The following PLCB4 variants were observed in gnomAD, a reference collection of about 807,000 sequenced individuals.
The protein encoded by PLCB4 is phospholipase C beta 4.
PLCB4 carries 77 observed loss-of-function variants against 178.8 expected under a neutral mutation model. That is an observed-to-expected ratio of 0.43 (90% CI 0.36 to 0.52). The LOEUF is 0.52. PLCB4 is among the 20% of genes least tolerant of loss of function. PLCB4 has a pLI of 0.00. For missense variants in PLCB4, 1,024 were observed against 1,453.4 expected (o/e 0.70, Z 4.80); for synonymous variants, 496 against 490.8 (o/e 1.01, Z -0.14).
chr20:9,303,818 A>G (rs1029541259), intron 3 of PLCB4, among the ~76,000 whole-genome samples: 10 of 152,304 alleles, frequency 6.6e-5, no homozygotes, highest in African/African-American at 2.2e-4. Flanking sequence ...AGCCAAATGT[A>G]TTTTAACTTT....
intron 7 of PLCB4, among the ~76,000 whole-genome samples, chr20:9,355,638 A>G (rs984161600): frequency 6.6e-6 from 1 of 151,894 alleles, no homozygotes; most frequent in African/African-American, 2.4e-5. Context: ...ATCATTTTTT[A>G]TGGCTGCATA....
intron 3 of PLCB4, among the ~76,000 whole-genome samples, chr20:9,260,383 G>C (rs1437126973): frequency 6.6e-6 from 1 of 152,066 alleles, no homozygotes; most frequent in Non-Finnish European, 1.5e-5. Context: ...ATCTTGTGTA[G>C]TTTTTTGGCA....
At position 9,307,858 on chromosome 20, in the gene PLCB4, C is replaced by A. The variant is rs773057309; in HGVS notation, c.44C>A (p.Ser15Tyr). Residue 15 changes from serine to tyrosine, a missense_variant, in exon 4 of 40, where the codon TCC becomes TAC. Ser to Tyr is a moderately radical substitution (Grantham distance 144, BLOSUM62 -2). Around this residue, in one of 7 missense-constraint regions of PLCB4, gnomAD observed 225 missense variants for 291.0 expected, o/e 0.77. Coordinates refer to ENST00000378473, the MANE Select transcript of PLCB4 (RefSeq NM_001377142.1). ...TTTAACTGGCAGAAGGAAGTTCCCT[C>A]CTTTTTGCAAGAAGGAGCAGTTTTT... ...YEFNWQKEVP[S>Y]FLQEGAVFDR... The A allele has an allele frequency of 2.5e-6, 4 of 1,600,076 alleles. No homozygotes were observed. In the Middle Eastern group the frequency reaches 6.6e-4, roughly 266 times the overall value.
At chr20:9,431,777 T>C (rs1443338989) in intron 28 of PLCB4, among the ~76,000 whole-genome samples, 6 of 152,114 alleles carry the variant, frequency 3.9e-5, no homozygotes, top group Non-Finnish European at 7.4e-5. Context: ...CCCAAAGTAC[T>C]GGGATTACAG....
At chr20:9,311,218 T>C (rs1003745289) in intron 4 of PLCB4, among the ~76,000 whole-genome samples, 4 of 152,330 alleles carry the variant, frequency 2.6e-5, no homozygotes, top group Admixed American at 2.6e-4. Context: ...TCCTAGGTGC[T>C]TACCCACTTT....
At chr20:9,327,648 C>T (rs773294624) in intron 4 of PLCB4, among the ~76,000 whole-genome samples, 1 of 146,382 alleles carries the variant, frequency 6.8e-6, no homozygotes, top group Non-Finnish European at 1.5e-5. Context: ...TGGTGGTGGG[C>T]GCCTGTAGTC....
In PLCB4 at chr20:9,170,191, T is replaced by C. The variant is rs558253120; in HGVS notation, c.-78-47199T>C. On this transcript the variant is annotated intron_variant, in intron 2 of 39. Coordinates refer to ENST00000378473, the MANE Select transcript of PLCB4 (RefSeq NM_001377142.1). The stretch of plus-strand genomic sequence containing the variant: ...AGAAGGATTTACTGATTGCAAGTGA[T>C]CTGTGGTTAGTTTATTTCTTCAAAA... 6.6e-5 allele frequency among the ~76,000 whole-genome samples: 10 copies of C among 152,330 alleles called. No individual in the cohort carries two copies. The South Asian group carries it at 2.1e-3, about 32-fold the overall frequency.
intron 2 of PLCB4, among the ~76,000 whole-genome samples, chr20:9,167,843 A>G (rs2092997861): frequency 6.6e-6 from 1 of 152,212 alleles, no homozygotes; most frequent in African/African-American, 2.4e-5. Flanking sequence ...TATGAAACAA[A>G]CGGTGAAACC....
intron 4 of PLCB4, among the ~76,000 whole-genome samples, chr20:9,331,342 C>CA (rs2031616847): frequency 6.6e-6 from 1 of 152,152 alleles, no homozygotes; most frequent in Non-Finnish European, 1.5e-5. Flanking sequence ...TGATCTGGTC[C>CA]AAAATAGCTG....
intron 39 of PLCB4, 120 bp downstream of exon 39, chr20:9,476,873 T>A (rs2044583761): frequency 1.5e-6 from 1 of 673,032 alleles, no homozygotes; most frequent in Non-Finnish European, 2.6e-6. Flanking sequence ...AGGGTTTGGA[T>A]TTAAAAGCTT....
chr20:9,171,272 A>G (rs1027199110), intron 2 of PLCB4, among the ~76,000 whole-genome samples: 4 of 152,210 alleles, frequency 2.6e-5, no homozygotes, highest in Non-Finnish European at 4.4e-5. Context: ...GAATGCTACA[A>G]AGAAATATGT....
intron 2 of PLCB4, among the ~76,000 whole-genome samples, chr20:9,193,914 C>T (rs542064527): frequency 1.3e-5 from 2 of 152,098 alleles, no homozygotes; most frequent in East Asian, 3.9e-4. Context: ...GACCATTAGA[C>T]CTCATGATCA....
intron 3 of PLCB4, among the ~76,000 whole-genome samples, chr20:9,287,673 G>A (rs971428278): frequency 2.0e-5 from 3 of 151,998 alleles, no homozygotes; most frequent in Non-Finnish European, 2.9e-5. Flanking sequence ...AGGCTCATGA[G>A]GGATTTCTGT....
chr20:9,240,616 C>A (rs1334000892), intron 3 of PLCB4, among the ~76,000 whole-genome samples: 1 of 152,104 alleles, frequency 6.6e-6, no homozygotes, highest in Non-Finnish European at 1.5e-5. Flanking sequence ...CAAGCCATGC[C>A]CACTTCAGTT....
intron 38 of PLCB4, among the ~76,000 whole-genome samples, chr20:9,474,865 A>G (rs1168895204): frequency 2.0e-5 from 3 of 152,168 alleles, no homozygotes; most frequent in Non-Finnish European, 2.9e-5. Flanking sequence ...GTCCACTCCA[A>G]GGGGACAATA....
intron 8 of PLCB4, 132 bp from the exon 9 acceptor site, chr20:9,365,329 A>G: frequency 1.7e-6 from 1 of 603,682 alleles, no homozygotes; most frequent in South Asian, 2.3e-5. Flanking sequence ...AATTCATCTT[A>G]TAGCACATAA....
In PLCB4 at chr20:9,071,099, C is replaced by T. The variant is rs1321149779; in HGVS notation, c.-135+1893C>T. ...GGAATCGTGAGGCGGTGTGTTTTTG[C>T]CTTATGAGATAAAGAAATATGGTAG... On this transcript the variant is annotated intron_variant, in intron 1 of 39. Transcript: ENST00000378473. Among the ~76,000 whole-genome samples the T allele has an allele frequency of 2.0e-5, 3 of 152,040 alleles. No individual in the cohort carries two copies. The East Asian group carries it at 5.8e-4, about 29-fold the overall frequency.
chr20:9,394,503 A>C (rs917611997), intron 18 of PLCB4, among the ~76,000 whole-genome samples: 2 of 152,140 alleles, frequency 1.3e-5, no homozygotes, highest in Non-Finnish European at 2.9e-5. Flanking sequence ...TTAACCAAGT[A>C]AGTATACTTA....
chr20:9,459,803 C>A lies in PLCB4; in HGVS notation c.3241C>A (p.His1081Asn). ...EQQTQQLKLSHDRESKEMRAH... is the reference protein window; with the variant it reads ...EQQTQQLKLSNDRESKEMRAH... The stretch of plus-strand genomic sequence containing the variant: ...GCAAACCCAGCAGCTGAAACTGTCC[C>A]ATGACAGGTGGGGGAATTGCCGTCT... Residue 1081 changes from histidine (H) to asparagine (N), a missense_variant, in exon 35 of 40, where the codon CAT (histidine) becomes AAT (asparagine). Physicochemically the swap from His to Asn is moderately conservative, Grantham distance 68. Transcript: ENST00000378473. 1.3e-6 allele frequency: 2 copies of A among 1,598,558 alleles called. No individual in the cohort carries two copies. The highest frequency in any genetic ancestry group is 1.7e-6 in the Non-Finnish European group (2 of 1,167,492).
Sources: gnomAD v4.1 joint callset for allele counts (sites outside exome capture counted in the v4.1 genomes callset) on GRCh38, gnomAD v4.1.1 for gene constraint, gnomAD v4.1.1 regional missense constraint, MANE v1.5 for transcripts, NCBI Gene and HGNC (gene_info 2026-07-23, HGNC 2026-07-21) for gene names.